Variants in L3MBTL4 observed in about 807,000 individuals in gnomAD.
L3MBTL4 encodes the protein lethal(3)malignant brain tumor-like protein 4.
Under a neutral mutation model 84.5 loss-of-function variants are expected in L3MBTL4, and 70 were observed. The observed-to-expected ratio is 0.83, with a 90% confidence interval of 0.68 to 1.01. L3MBTL4 has a LOEUF of 1.01. Among genes scored for constraint, L3MBTL4 ranks in the 50% least tolerant of loss-of-function variants. The pLI is 0.00. For synonymous variants in L3MBTL4, 274 were observed against 259.8 expected (o/e 1.05, Z -0.52); for missense variants, 715 against 754.8 (o/e 0.95, Z 0.62).
In L3MBTL4 at chr18:6,013,315, C is replaced by T. The variant is rs916285862; in HGVS notation, c.1445-43753G>A. The stretch of plus-strand genomic sequence containing the variant: ...TCCTTCTCCGTGCCAGCTCTCTCTC[C>T]TTCCAGCTTCCTGCATTGTCTTGCT... On this transcript the variant is annotated intron_variant, in intron 16 of 18. Transcript: ENST00000317931. 6.6e-5 allele frequency among the ~76,000 whole-genome samples: 10 copies of T among 152,354 alleles called. No homozygotes were observed. In the East Asian group the frequency reaches 1.9e-3, roughly 29 times the overall value.
intron 16 of L3MBTL4, among the ~76,000 whole-genome samples, chr18:6,042,581 T>C (rs755062611): frequency 9.9e-5 from 15 of 152,198 alleles, no homozygotes; most frequent in Non-Finnish European, 2.1e-4. Flanking sequence ...CCGTCCTACA[T>C]GAGCCCTCAG....
intron 4 of L3MBTL4, among the ~76,000 whole-genome samples, chr18:6,284,129 T>C (rs770024674): frequency 1.3e-5 from 2 of 152,198 alleles, no homozygotes; most frequent in Non-Finnish European, 2.9e-5. Flanking sequence ...TTTGGTATCA[T>C]TCAATTATGC....
chr18:6,035,214 G>A (rs1351018257), intron 16 of L3MBTL4, among the ~76,000 whole-genome samples: 2 of 150,852 alleles, frequency 1.3e-5, no homozygotes, highest in East Asian at 3.9e-4. Context: ...TAGACATGAA[G>A]TCCTTGCCCA....
At chr18:6,383,422 A>C (rs1283028580) in intron 1 of L3MBTL4, among the ~76,000 whole-genome samples, 1 of 151,602 alleles carries the variant, frequency 6.6e-6, no homozygotes, top group Admixed American at 6.6e-5. Flanking sequence ...TGTGCTTGAA[A>C]CTCAGGGCCC....
intron 4 of L3MBTL4, among the ~76,000 whole-genome samples, chr18:6,290,646 G>A (rs2049819279): frequency 6.6e-6 from 1 of 151,922 alleles, no homozygotes; most frequent in Admixed American, 6.6e-5. Context: ...TCCTGCCTCA[G>A]CCTCCCAATT....
At chr18:6,365,061 G>A (rs982583644) in intron 1 of L3MBTL4, among the ~76,000 whole-genome samples, 3 of 152,022 alleles carry the variant, frequency 2.0e-5, no homozygotes, top group Admixed American at 6.6e-5. Context: ...ATATATTTCT[G>A]TATCTTTTTA....
At chr18:6,125,070 GA>G (rs535001906) in intron 14 of L3MBTL4, among the ~76,000 whole-genome samples, 1 of 151,732 alleles carries the variant, frequency 6.6e-6, no homozygotes, top group Non-Finnish European at 1.5e-5. Context: ...AAACGCATCT[GA>G]AAAAAACATT....
At chr18:6,004,285 G>C (rs905624321) in intron 16 of L3MBTL4, among the ~76,000 whole-genome samples, 2 of 152,088 alleles carry the variant, frequency 1.3e-5, no homozygotes, top group East Asian at 1.9e-4. Context: ...AGATGATATG[G>C]ACAAATTCTC....
At chr18:6,087,900 T>C (rs1225324235) in intron 15 of L3MBTL4, among the ~76,000 whole-genome samples, 2 of 152,226 alleles carry the variant, frequency 1.3e-5, no homozygotes, top group Admixed American at 6.5e-5. Flanking sequence ...AAATCTTATA[T>C]AAGCCTCACA....
At chr18:6,079,920 A>T (rs2058013749) in intron 16 of L3MBTL4, 1 of 152,250 alleles carries the variant, frequency 6.6e-6, no homozygotes, top group Non-Finnish European at 1.5e-5. Context: ...AAGTAATTCA[A>T]CTGCCCTCTC....
intron 13 of L3MBTL4, among the ~76,000 whole-genome samples, chr18:6,157,847 A>G (rs1326984578): frequency 6.6e-6 from 1 of 152,224 alleles, no homozygotes; most frequent in African/African-American, 2.4e-5. Context: ...AACAGAAGCT[A>G]AAGAAAGAAC....
At chr18:6,333,494 G>A (rs2052153399) in intron 1 of L3MBTL4, among the ~76,000 whole-genome samples, 1 of 151,056 alleles carries the variant, frequency 6.6e-6, no homozygotes, top group Non-Finnish European at 1.5e-5. Context: ...AGAATCAATT[G>A]AACCTGGGAG....
At chr18:6,003,950 C>A (rs1234893542) in intron 16 of L3MBTL4, among the ~76,000 whole-genome samples, 1 of 151,936 alleles carries the variant, frequency 6.6e-6, no homozygotes, top group Non-Finnish European at 1.5e-5. Flanking sequence ...AACAACCTGA[C>A]TTTATACCTG....
chr18:6,247,466 ATTTTTTTTTTTTT>A (rs71163266), intron 5 of L3MBTL4, among the ~76,000 whole-genome samples: 4 of 49,638 alleles, frequency 8.1e-5, no homozygotes, highest in South Asian at 6.5e-4. Flanking sequence ...CCCTCCTCTG[ATTTTTTTTTTTTT>A]TTTTTTTTTT....
intron 4 of L3MBTL4, among the ~76,000 whole-genome samples, chr18:6,266,130 A>C (rs2048621953): frequency 6.6e-6 from 1 of 152,222 alleles, no homozygotes; most frequent in African/African-American, 2.4e-5. Flanking sequence ...ATATTATACA[A>C]GTTATTCCAT....
chr18:6,302,456 TG>T (rs1277825468), intron 3 of L3MBTL4, among the ~76,000 whole-genome samples: 1 of 152,206 alleles, frequency 6.6e-6, no homozygotes, highest in Non-Finnish European at 1.5e-5. Flanking sequence ...CCATGAATTG[TG>T]TATGATGAAC....
chr18:5,995,405 G>A (rs1295795452), intron 16 of L3MBTL4, among the ~76,000 whole-genome samples: 1 of 152,122 alleles, frequency 6.6e-6, no homozygotes, highest in Non-Finnish European at 1.5e-5. Flanking sequence ...ACATACTACA[G>A]ACTAGCTATT....
Position 6,414,373 on chromosome 18 carries a change from G to A in L3MBTL4, c.-91+428C>T, listed in dbSNP as rs1228719625. ...ACAAAAGCCAAATGCCCACCGCCGGGCGCTCGATGGCCGGAGGACTGCCTG... is the reference window on the plus strand; with the variant it reads ...ACAAAAGCCAAATGCCCACCGCCGGACGCTCGATGGCCGGAGGACTGCCTG... On this transcript the variant is annotated intron_variant, in intron 1 of 18. Coordinates refer to ENST00000317931, the MANE Select transcript of L3MBTL4 (RefSeq NM_001330559.2). The surrounding 1 kb of genome is among the most constrained non-coding windows in gnomAD (Gnocchi z 5.4). Among the ~76,000 whole-genome samples, 5 of 152,166 alleles carry A rather than the reference G, an allele frequency of 3.3e-5. No homozygotes were observed. Among genetic ancestry groups the A allele is most frequent in the Non-Finnish European group, 5.9e-5 (4 of 68,032 alleles).
chr18:6,010,730 A>T (rs1472087762), intron 16 of L3MBTL4, among the ~76,000 whole-genome samples: 4 of 152,128 alleles, frequency 2.6e-5, no homozygotes, highest in Non-Finnish European at 4.4e-5. Flanking sequence ...TTATTTATTT[A>T]TTTTTTTAAA....
Sources: allele counts gnomAD v4.1 joint callset (sites outside exome capture counted in the v4.1 genomes callset), GRCh38; gene constraint gnomAD v4.1.1; non-coding constraint Gnocchi (gnomAD v3.1); transcripts MANE v1.5; gene names NCBI Gene and HGNC (gene_info 2026-07-23, HGNC 2026-07-21).